PELI2: variants seen among roughly 807,000 people sequenced by gnomAD.
The protein encoded by PELI2 is E3 ubiquitin-protein ligase pellino homolog 2.
PELI2 carries 23 observed loss-of-function variants against 42.3 expected under a neutral mutation model. The ratio of observed to expected loss-of-function variants is 0.54; its 90% CI spans 0.39 to 0.77. The LOEUF is 0.77. Among genes scored for constraint, PELI2 ranks in the 30% least tolerant of loss-of-function variants. The pLI is 0.00. For synonymous variants in PELI2, 245 were observed against 212.2 expected (o/e 1.15, Z -1.34); for missense variants, 463 against 553.2 (o/e 0.84, Z 1.64).
chr14:56,182,718 T>C (rs1166111927), intron 2 of PELI2, among the ~76,000 whole-genome samples: 2 of 152,230 alleles, frequency 1.3e-5, no homozygotes, highest in Non-Finnish European at 2.9e-5. Flanking sequence ...TTTGGGCTGC[T>C]GTGGCTCTAC....
chr14:56,185,037 A>G (rs1261046619), intron 2 of PELI2, among the ~76,000 whole-genome samples: 1 of 151,344 alleles, frequency 6.6e-6, no homozygotes, highest in Non-Finnish European at 1.5e-5. Context: ...ATATTTTACA[A>G]TTTTTTATTT....
chr14:56,301,231 A>G lies in PELI2; in HGVS notation c.*4065A>G, dbSNP rs1298239324. ...AAATTGAAAAGTTTATTTCTTCACTATTGTACCTGTGGAAATACAAGCCAT... is the reference window on the plus strand; with the variant it reads ...AAATTGAAAAGTTTATTTCTTCACTGTTGTACCTGTGGAAATACAAGCCAT... On this transcript the variant is annotated 3_prime_UTR_variant, in exon 6 of 6. Transcript: ENST00000267460. The G allele has an allele frequency of 6.6e-6, 1 of 152,638 alleles. No individual in the cohort carries two copies. Among genetic ancestry groups the G allele is most frequent in the Non-Finnish European group, 1.5e-5 (1 of 68,036 alleles). The allele number at this position is 152,638 out of a possible 1,614,324, so 9.5% of individuals were successfully genotyped here.
Position 56,299,199 on chromosome 14 carries a change from C to T in PELI2, c.*2033C>T, listed in dbSNP as rs1285231503. ...TTGCATCCAGAAAGGCCAGATTTTA[C>T]CTACCAAGAAAAAAAGATATTTTTC... On this transcript the variant is annotated 3_prime_UTR_variant, in exon 6 of 6. Coordinates refer to ENST00000267460, the MANE Select transcript of PELI2 (RefSeq NM_021255.3). 1 of 152,042 alleles carries T rather than the reference C, an allele frequency of 6.6e-6. No individual in the cohort carries two copies. The highest frequency in any genetic ancestry group is 1.5e-5 in the Non-Finnish European group (1 of 67,998). 9.4% of individuals were successfully genotyped at this position (152,042 alleles called of 1,614,324 possible).
At chr14:56,177,455 T>G (rs1885422398) in intron 1 of PELI2, among the ~76,000 whole-genome samples, 1 of 152,238 alleles carries the variant, frequency 6.6e-6, no homozygotes, top group Non-Finnish European at 1.5e-5. Context: ...TTTTATTTTT[T>G]TTCTTGAAAA....
intron 2 of PELI2, among the ~76,000 whole-genome samples, chr14:56,214,523 A>G (rs2139735357): frequency 2.0e-5 from 3 of 152,266 alleles, no homozygotes; most frequent in Middle Eastern, 6.8e-3. Flanking sequence ...GAGTATGTCC[A>G]GAATTTTATC....
intron 1 of PELI2, among the ~76,000 whole-genome samples, chr14:56,120,668 A>T (rs1471362929): frequency 6.6e-6 from 1 of 152,208 alleles, no homozygotes; most frequent in Non-Finnish European, 1.5e-5. Flanking sequence ...AGAACAGGGA[A>T]CTTTCCTTTT....
chr14:56,263,144 A>G (rs1318110764), intron 2 of PELI2, among the ~76,000 whole-genome samples: 1 of 152,106 alleles, frequency 6.6e-6, no homozygotes, highest in African/African-American at 2.4e-5. Flanking sequence ...ACTTTATAGT[A>G]GAGACAGGGT....
At chr14:56,195,225 C>T (rs557877163) in intron 2 of PELI2, among the ~76,000 whole-genome samples, 8 of 152,306 alleles carry the variant, frequency 5.3e-5, no homozygotes, top group African/African-American at 1.7e-4. Context: ...GGATCCCCAA[C>T]CCCCTTCAAA....
intron 5 of PELI2, among the ~76,000 whole-genome samples, chr14:56,294,154 T>C (rs912594038): frequency 6.6e-6 from 1 of 152,192 alleles, no homozygotes; most frequent in Non-Finnish European, 1.5e-5. Flanking sequence ...CCTTAACTTT[T>C]TCTAAAAACT....
At chr14:56,140,150 C>A (rs1456638876) in intron 1 of PELI2, among the ~76,000 whole-genome samples, 1 of 151,956 alleles carries the variant, frequency 6.6e-6, no homozygotes, top group Non-Finnish European at 1.5e-5. Context: ...GAGCTGGGTG[C>A]TTCAATTGAG....
chr14:56,213,125 A>C (rs1886768555), intron 2 of PELI2, among the ~76,000 whole-genome samples: 1 of 152,190 alleles, frequency 6.6e-6, no homozygotes, highest in African/African-American at 2.4e-5. Context: ...CTAGAAAGTG[A>C]CTGCAGGTAA....
In PELI2 at chr14:56,234,211, G is replaced by C. The variant is rs149681104; in HGVS notation, c.208-45465G>C. On this transcript the variant is annotated intron_variant, in intron 2 of 5. Coordinates refer to ENST00000267460, the MANE Select transcript of PELI2 (RefSeq NM_021255.3). ...AGTGTGGCCATTCCTCAAGGATCTA[G>C]AACTAGAAATACCATTTGACCCAGC... Among the ~76,000 whole-genome samples, 842 of 152,274 alleles carry C rather than the reference G, an allele frequency of 5.5e-3. 8 individuals are homozygous for C. The highest frequency in any genetic ancestry group is 0.019 in the African/African-American group (786 of 41,540).
chr14:56,133,931 T>C (rs1883589533), intron 1 of PELI2, among the ~76,000 whole-genome samples: 1 of 152,256 alleles, frequency 6.6e-6, no homozygotes, highest in Non-Finnish European at 1.5e-5. Flanking sequence ...TAAGGATGTC[T>C]TCTTCCTTCT....
intron 1 of PELI2, among the ~76,000 whole-genome samples, chr14:56,119,551 G>A (rs995503284): frequency 4.6e-5 from 7 of 152,362 alleles, no homozygotes; most frequent in Admixed American, 1.3e-4. Flanking sequence ...GCATCTTGAA[G>A]ATAGTAATTA....
At chr14:56,243,267 G>A (rs1234062051) in intron 2 of PELI2, among the ~76,000 whole-genome samples, 3 of 152,198 alleles carry the variant, frequency 2.0e-5, no homozygotes, top group Non-Finnish European at 2.9e-5. Context: ...GCCATCACTT[G>A]GGAGTGTGTC....
chr14:56,207,998 A>G (rs1011708102), intron 2 of PELI2, among the ~76,000 whole-genome samples: 3 of 152,210 alleles, frequency 2.0e-5, no homozygotes, highest in African/African-American at 7.2e-5. Context: ...TTCCAGACAT[A>G]TAAGTTGTAA....
chr14:56,204,298 AAC>A (rs1052573522), intron 2 of PELI2, among the ~76,000 whole-genome samples: 7 of 152,208 alleles, frequency 4.6e-5, no homozygotes, highest in African/African-American at 1.7e-4. Context: ...GTGGCAGCAA[AAC>A]TAAAGAGTAG....
intron 1 of PELI2, among the ~76,000 whole-genome samples, chr14:56,147,480 CTTCT>C (rs1191423005): frequency 2.0e-5 from 3 of 152,164 alleles, no homozygotes; most frequent in African/African-American, 7.2e-5. Context: ...GGTGGGATGG[CTTCT>C]TTCTTTGTCT....
In PELI2 at chr14:56,223,640, T is replaced by C. The variant is rs887693699; in HGVS notation, c.207+45176T>C. Among the ~76,000 whole-genome samples the C allele has an allele frequency of 5.3e-5, 8 of 152,242 alleles. 1 individual carries two copies. The South Asian group carries it at 1.4e-3, about 28-fold the overall frequency. On this transcript the variant is annotated intron_variant, in intron 2 of 5. Transcript: ENST00000267460. ...AGAGCCTGTTTATAAGTTGCATACA[T>C]GTCTTGATTATTTTTCTTCTTTTCA...
Sources: gnomAD v4.1 joint callset for allele counts (sites outside exome capture counted in the v4.1 genomes callset) on GRCh38, gnomAD v4.1.1 for gene constraint, MANE v1.5 for transcripts, NCBI Gene and HGNC (gene_info 2026-07-23, HGNC 2026-07-21) for gene names.